Variants in NEK3 observed in about 807,000 individuals in gnomAD.
The protein encoded by NEK3 is NIMA related kinase 3, also known as serine/threonine-protein kinase Nek3.
In NEK3, 54 loss-of-function variants were observed where a neutral mutation model predicts 66.0. The observed-to-expected ratio is 0.82, with a 90% confidence interval of 0.66 to 1.03. The LOEUF is 1.03. Among genes scored for constraint, NEK3 ranks in the 50% least tolerant of loss-of-function variants. NEK3 has a pLI of 0.00. For missense variants in NEK3, 593 were observed against 603.0 expected, an observed-to-expected ratio of 0.98 and a Z score of 0.17; for synonymous variants, 200 against 206.2, an observed-to-expected ratio of 0.97 and a Z score of 0.26.
intron 4 of NEK3, among the ~76,000 whole-genome samples, chr13:52,152,944 ATAT>A (rs966188900): frequency 3.3e-5 from 5 of 152,308 alleles, no homozygotes; most frequent in South Asian, 2.1e-4. Context: ...ACTTCTACTT[ATAT>A]TATTCTTATA....
chr13:52,150,633 C>G (rs1269916120), intron 7 of NEK3, among the ~76,000 whole-genome samples: 2 of 152,144 alleles, frequency 1.3e-5, no homozygotes, highest in African/African-American at 2.4e-5. Context: ...TCATTAAGAT[C>G]TTCATATTAA....
intron 11 of NEK3, among the ~76,000 whole-genome samples, chr13:52,139,926 G>C (rs557716710): frequency 2.0e-5 from 3 of 151,436 alleles, no homozygotes; most frequent in Non-Finnish European, 4.4e-5. Flanking sequence ...AAGCAGCCAG[G>C]CCCAATGGCT....
intron 5 of NEK3, 64 bp downstream of exon 5, chr13:52,152,544 TA>T: frequency 1.0e-6 from 1 of 990,826 alleles, no homozygotes. Flanking sequence ...ATGCATGGCA[TA>T]ACACAGTAAA....
intron 1 of NEK3, among the ~76,000 whole-genome samples, chr13:52,158,703 G>A (rs894102078): frequency 1.8e-4 from 28 of 152,162 alleles, no homozygotes; most frequent in Admixed American, 1.3e-4. Flanking sequence ...CCCTTCGCAT[G>A]CCTGCAACAA....
intron 4 of NEK3, among the ~76,000 whole-genome samples, chr13:52,152,979 C>T (rs992745057): frequency 6.6e-6 from 1 of 152,114 alleles, no homozygotes; most frequent in Admixed American, 6.6e-5. Context: ...AAAAGTATTT[C>T]TTAAATGCTT....
chr13:52,141,054 A>G lies in NEK3; in HGVS notation c.893T>C (p.Ile298Thr), dbSNP rs776360824. ...TGCTTCATTTCCCAAAGCTATCCTG[A>G]TTCTGCTGGGGTTTGCTTTTAAAAG... ...TPRKKTNPSR[I>T]RIALGNEAST... The change falls in exon 11 of 16, where the codon ATC becomes ACC. Residue 298 changes from isoleucine to threonine, a missense_variant. Transcript: ENST00000610828. 1 of 1,601,612 alleles carries G rather than the reference A, an allele frequency of 6.2e-7. No individual in the cohort carries two copies. Among genetic ancestry groups the G allele is most frequent in the Non-Finnish European group, 8.5e-7 (1 of 1,173,980 alleles).
At chr13:52,149,851 A>G (rs1336683190) in intron 7 of NEK3, among the ~76,000 whole-genome samples, 1 of 148,692 alleles carries the variant, frequency 6.7e-6, no homozygotes, top group Non-Finnish European at 1.5e-5. Flanking sequence ...CCTGAGCAAC[A>G]GAGTGAGACT....
rs1956168322 is a variant in NEK3, at chr13:52,133,145, T to C, written c.1518A>G (p.Arg506=). The stretch of plus-strand genomic sequence containing the variant: ...CTCAGGAACATTTCCTCAGGCATTA[T>C]CTGTCGCACAGGCCTTGCCATCCAG... ...KRAGWQGLCD[R] The change falls in exon 16 of 16, where the codon AGA becomes AGG. Residue 506 remains arginine, a synonymous_variant. Transcript: ENST00000610828. 6.2e-7 allele frequency: 1 copy of C among 1,608,248 alleles called. No homozygotes were observed. Among genetic ancestry groups the C allele is most frequent in the Non-Finnish European group, 8.5e-7 (1 of 1,177,490 alleles).
Position 52,139,687 on chromosome 13 carries a change from T to A in NEK3, c.927+1333A>T, listed in dbSNP as rs533243438. Among the ~76,000 whole-genome samples the A allele has an allele frequency of 2.9e-4, 44 of 151,804 alleles. 1 individual carries two copies. The highest frequency in any genetic ancestry group is 5.3e-4 in the Non-Finnish European group (36 of 67,908). On this transcript the variant is annotated intron_variant, in intron 11 of 15. Coordinates refer to ENST00000610828, the MANE Select transcript of NEK3 (RefSeq NM_002498.3). ...GCCAAGACAGGCAGATCACATGAGGTCAGGAGTTCAAGACCAGCCTGGCCA... is the reference window on the plus strand; with the variant it reads ...GCCAAGACAGGCAGATCACATGAGGACAGGAGTTCAAGACCAGCCTGGCCA...
intron 14 of NEK3, 163 bp from the exon 15 acceptor site, chr13:52,133,978 A>T (rs912911560): frequency 1.4e-5 from 9 of 651,840 alleles, no homozygotes; most frequent in Non-Finnish European, 2.0e-5. Flanking sequence ...TGTAGGCATA[A>T]AACAGGCCCC....
chr13:52,149,221 A>G (rs1026318899), intron 7 of NEK3, among the ~76,000 whole-genome samples: 2 of 150,970 alleles, frequency 1.3e-5, no homozygotes, highest in African/African-American at 4.9e-5. Context: ...TTTTTAAGGG[A>G]TGGGGTCTCA....
At chr13:52,150,897 C>T (rs1956339402) in intron 7 of NEK3, among the ~76,000 whole-genome samples, 1 of 152,182 alleles carries the variant, frequency 6.6e-6, no homozygotes, top group African/African-American at 2.4e-5. Flanking sequence ...AATGACTAGC[C>T]TTTCTTTCAG....
intron 5 of NEK3, among the ~76,000 whole-genome samples, chr13:52,152,023 G>A (rs962214918): frequency 6.6e-6 from 1 of 152,114 alleles, no homozygotes; most frequent in African/African-American, 2.4e-5. Flanking sequence ...CACACTCTAC[G>A]ATGCTCACAC....
intron 4 of NEK3, 41 bp downstream of exon 4, chr13:52,153,851 TGGC>T: frequency 7.9e-7 from 1 of 1,263,550 alleles, no homozygotes. Context: ...ATGAGAAAAG[TGGC>T]TTCTAAACCT....
At chr13:52,150,262 A>C (rs1956331794) in intron 7 of NEK3, among the ~76,000 whole-genome samples, 1 of 152,206 alleles carries the variant, frequency 6.6e-6, no homozygotes, top group Admixed American at 6.5e-5. Context: ...TGTTAATTAC[A>C]GCACTGTTTA....
Position 52,133,647 on chromosome 13 carries a change from C to CACACACACACA in NEK3, c.1436+41_1436+42insTGTGTGTGTGT, listed in dbSNP as rs755551629. 197 of 1,070,902 alleles carry CACACACACACA rather than the reference C, an allele frequency of 1.8e-4. 1 individual carries two copies. In the African/African-American group the frequency reaches 3.0e-3, roughly 16 times the overall value. 66.3% of individuals were successfully genotyped at this position (1,070,902 alleles called of 1,614,324 possible). On this transcript the variant is annotated intron_variant, in intron 15 of 15. Transcript: ENST00000610828. ...CACACACACACACACACACACACAC[C>CACACACACACA]CCCAACCCCAGCTACAGCTTTCTAT...
chr13:52,157,297 T>C (rs573062187), intron 1 of NEK3: 18 of 151,530 alleles, frequency 1.2e-4, no homozygotes, highest in African/African-American at 4.1e-4. Flanking sequence ...GGCAGGAAAA[T>C]AATGAAATGG....
At chr13:52,139,357 A>G (rs1956229431) in intron 11 of NEK3, among the ~76,000 whole-genome samples, 1 of 152,230 alleles carries the variant, frequency 6.6e-6, no homozygotes, top group Non-Finnish European at 1.5e-5. Flanking sequence ...GCAATTTCAC[A>G]CAAAGATTTG....
chr13:52,145,891 C>T (rs1956291645), intron 8 of NEK3, among the ~76,000 whole-genome samples: 1 of 152,066 alleles, frequency 6.6e-6, no homozygotes, highest in Admixed American at 6.6e-5. Context: ...ACCATGGCAC[C>T]CATTTACCTA....
Sources: gnomAD v4.1 joint callset for allele counts (sites outside exome capture counted in the v4.1 genomes callset) on GRCh38, gnomAD v4.1.1 for gene constraint, MANE v1.5 for transcripts, NCBI Gene and HGNC (gene_info 2026-07-23, HGNC 2026-07-21) for gene names.